The following MAPK4 variants were observed in gnomAD, a reference collection of about 807,000 sequenced individuals.
MAPK4 encodes mitogen-activated protein kinase 4, also known as Erk3-related.
In MAPK4, 22 loss-of-function variants were observed where a neutral mutation model predicts 47.7. That is an observed-to-expected ratio of 0.46 (90% CI 0.33 to 0.66). The LOEUF (loss-of-function observed/expected upper bound fraction) is 0.66. MAPK4 is among the 30% of genes least tolerant of loss of function. The probability of loss-of-function intolerance (pLI) is 0.02; values close to 1 mark genes in which losing one functional copy is unlikely to be tolerated. For missense variants in MAPK4, 736 were observed against 831.7 expected (o/e 0.88, Z 1.42); for synonymous variants, 390 against 365.7 (o/e 1.07, Z -0.76).
At chr18:50,689,167 G>A (rs998316976) in intron 2 of MAPK4, among the ~76,000 whole-genome samples, 11 of 141,540 alleles carry the variant, frequency 7.8e-5, no homozygotes, top group South Asian at 2.3e-4. Context: ...AGGCTGAGGC[G>A]GGCGGATCAC....
intron 1 of MAPK4, among the ~76,000 whole-genome samples, chr18:50,578,628 T>A (rs1056331474): frequency 6.6e-5 from 10 of 152,164 alleles, no homozygotes; most frequent in African/African-American, 2.4e-4. Flanking sequence ...ACTATAAGAT[T>A]GATAGATGGA....
At chr18:50,581,035 CTG>C (rs1206464115) in intron 1 of MAPK4, among the ~76,000 whole-genome samples, 1 of 152,224 alleles carries the variant, frequency 6.6e-6, no homozygotes, top group African/African-American at 2.4e-5. Flanking sequence ...CATCCTCACT[CTG>C]TGAGCACTGA....
chr18:50,637,557 C>T (rs2042898671), intron 1 of MAPK4, among the ~76,000 whole-genome samples: 1 of 152,166 alleles, frequency 6.6e-6, no homozygotes, highest in African/African-American at 2.4e-5. Context: ...GCAGTGTGGC[C>T]CCAGCCAGGC....
chr18:50,595,706 G>T (rs2042475848), intron 1 of MAPK4, among the ~76,000 whole-genome samples: 1 of 152,178 alleles, frequency 6.6e-6, no homozygotes, highest in African/African-American at 2.4e-5. Flanking sequence ...GAGATAAATG[G>T]TAACATGTGA....
rs1443679870 is a variant in MAPK4, at chr18:50,729,487, C to T, written c.1397C>T (p.Ala466Val). 2 of 1,465,250 alleles carry T rather than the reference C, an allele frequency of 1.4e-6. No individual in the cohort carries two copies. Among genetic ancestry groups the T allele is most frequent in the African/African-American group, 1.4e-5 (1 of 70,610 alleles). 90.8% of individuals were successfully genotyped at this position (1,465,250 alleles called of 1,614,324 possible). A position where few individuals can be genotyped will look rare whatever the true frequency, so the allele number is the denominator to read the frequency against. The change falls in exon 6 of 6, where the codon GCG becomes GTG. Residue 466 changes from alanine to valine, a missense_variant. Coordinates refer to ENST00000400384, the MANE Select transcript of MAPK4 (RefSeq NM_002747.4). ...LILDLSHWKQ[A>V]AGAPPTATGL... ...CTGGACCTGTCGCACTGGAAGCAGG[C>T]GGCCGGCGCGCCCCCCACGGCCACG...
intron 1 of MAPK4, among the ~76,000 whole-genome samples, chr18:50,581,924 C>A (rs915740068): frequency 6.6e-6 from 1 of 152,154 alleles, no homozygotes; most frequent in Non-Finnish European, 1.5e-5. Context: ...CTTTTGAAAG[C>A]ATTATCTATT....
intron 1 of MAPK4, among the ~76,000 whole-genome samples, chr18:50,629,053 A>G (rs1053686579): frequency 1.1e-4 from 17 of 152,196 alleles, no homozygotes; most frequent in Admixed American, 5.9e-4. Flanking sequence ...GGTAGAAGCA[A>G]TATGTGATTA....
chr18:50,577,422 G>A (rs11665303), intron 1 of MAPK4, among the ~76,000 whole-genome samples: 6,153 of 152,246 alleles, frequency 0.04, 165 homozygotes, highest in Middle Eastern at 0.082. Flanking sequence ...CATCTGGGGC[G>A]TTTTTAAAAT....
At chr18:50,709,354 T>TG (rs1159382646) in intron 2 of MAPK4, among the ~76,000 whole-genome samples, 1 of 152,050 alleles carries the variant, frequency 6.6e-6, no homozygotes, top group Non-Finnish European at 1.5e-5. Context: ...CCCGGGGAAT[T>TG]GGGGGAAGCG....
chr18:50,673,236 C>T (rs1908064265), intron 2 of MAPK4, among the ~76,000 whole-genome samples: 1 of 152,176 alleles, frequency 6.6e-6, no homozygotes, highest in Non-Finnish European at 1.5e-5. Context: ...GAGATTGCAC[C>T]ACTTCACTCC....
rs199691631 is a variant in MAPK4 at position 50,647,361 on chromosome 18, A to C, written c.-870-15728A>C. ...TGCTCCTGAGGGAGGGAAGTTGAGAAGCGAGCCTGAGGATATAACTTGTAC... is the reference window on the plus strand; with the variant it reads ...TGCTCCTGAGGGAGGGAAGTTGAGACGCGAGCCTGAGGATATAACTTGTAC... On this transcript the variant is annotated intron_variant, in intron 1 of 5. Coordinates refer to ENST00000400384, the MANE Select transcript of MAPK4 (RefSeq NM_002747.4). 5.3e-5 allele frequency among the ~76,000 whole-genome samples: 8 copies of C among 152,318 alleles called. No individual in the cohort carries two copies. In the East Asian group the frequency reaches 1.5e-3, roughly 29 times the overall value.
At chr18:50,610,721 G>A (rs2042625403) in intron 1 of MAPK4, among the ~76,000 whole-genome samples, 2 of 152,142 alleles carry the variant, frequency 1.3e-5, no homozygotes, top group Admixed American at 1.3e-4. Context: ...TTGATAAAAC[G>A]ATGAGACTGA....
intron 1 of MAPK4, among the ~76,000 whole-genome samples, chr18:50,629,018 C>G (rs193124420): frequency 6.6e-6 from 1 of 152,276 alleles, no homozygotes; most frequent in Non-Finnish European, 1.5e-5. Context: ...AGGGCTGAAG[C>G]CTTGTGGTAT....
At chr18:50,579,520 G>A (rs1270327294) in intron 1 of MAPK4, among the ~76,000 whole-genome samples, 1 of 152,166 alleles carries the variant, frequency 6.6e-6, no homozygotes, top group African/African-American at 2.4e-5. Flanking sequence ...GTCTAGATGA[G>A]TTTGGGGAGG....
In MAPK4 at chr18:50,729,895, C is replaced by G. The variant is rs1911463711; in HGVS notation, c.*41C>G. ...TCCAGGCCCCACAGAGCAGGAGACCCCCAGAGAAAGCCGGGGCTGGCAGGA... is the reference window on the plus strand; with the variant it reads ...TCCAGGCCCCACAGAGCAGGAGACCGCCAGAGAAAGCCGGGGCTGGCAGGA... On this transcript the variant is annotated 3_prime_UTR_variant, in exon 6 of 6. Transcript: ENST00000400384. The G allele has an allele frequency of 6.7e-7, 1 of 1,497,732 alleles. No homozygotes were observed. The highest frequency in any genetic ancestry group is 9.0e-7 in the Non-Finnish European group (1 of 1,116,434). The allele number at this position is 1,497,732 out of a possible 1,614,324, so 92.8% of individuals were successfully genotyped here.
chr18:50,685,463 G>C (rs760189049), intron 2 of MAPK4, among the ~76,000 whole-genome samples: 1 of 152,190 alleles, frequency 6.6e-6, no homozygotes, highest in Non-Finnish European at 1.5e-5. Flanking sequence ...ATCCAGCGGG[G>C]GCCCAATGGA....
chr18:50,645,356 C>T (rs1025082728), intron 1 of MAPK4, among the ~76,000 whole-genome samples: 11 of 152,244 alleles, frequency 7.2e-5, no homozygotes, highest in African/African-American at 2.2e-4. Context: ...TGAACGCCAA[C>T]GTGCTGTCCA....
intron 2 of MAPK4, among the ~76,000 whole-genome samples, chr18:50,713,897 C>A (rs115427042): frequency 6.6e-6 from 1 of 152,086 alleles, no homozygotes; most frequent in Non-Finnish European, 1.5e-5. Context: ...TTCCTTCTAC[C>A]AGTTTGAGGC....
chr18:50,628,249 A>G (rs895774399), intron 1 of MAPK4, among the ~76,000 whole-genome samples: 15 of 152,252 alleles, frequency 9.9e-5, no homozygotes, highest in African/African-American at 3.6e-4. Context: ...CAAATCATGA[A>G]GTAATTAGAA....
Sources: allele counts gnomAD v4.1 joint callset (sites outside exome capture counted in the v4.1 genomes callset), GRCh38; gene constraint gnomAD v4.1.1; transcripts MANE v1.5; gene names NCBI Gene and HGNC (gene_info 2026-07-23, HGNC 2026-07-21).